HIP1: variants seen among roughly 807,000 people sequenced by gnomAD.
HIP1 encodes the protein huntingtin-interacting protein 1.
A neutral mutation model predicts 147.6 loss-of-function variants in HIP1; 65 were observed. The ratio of observed to expected loss-of-function variants is 0.44; its 90% CI spans 0.36 to 0.54. HIP1 has a LOEUF of 0.54. HIP1 is among the 20% of genes least tolerant of loss of function. The pLI is 0.00. For synonymous variants in HIP1, 479 were observed against 504.0 expected, an observed-to-expected ratio of 0.95 and a Z score of 0.67; for missense variants, 1,061 against 1,299.6, an observed-to-expected ratio of 0.82 and a Z score of 2.82.
chr7:75,613,318 A>T (rs868933351), intron 1 of HIP1, among the ~76,000 whole-genome samples: 18 of 152,176 alleles, frequency 1.2e-4, no homozygotes, highest in South Asian at 4.2e-4. Flanking sequence ...GAGCGTCCCC[A>T]CCGTGGGGAG....
chr7:75,735,743 T>C (rs1802001394), intron 1 of HIP1, among the ~76,000 whole-genome samples: 1 of 151,704 alleles, frequency 6.6e-6, no homozygotes, highest in African/African-American at 2.4e-5. Context: ...CAGGCCGGAA[T>C]GCAGTGGCAC....
chr7:75,686,620 A>G (rs1554517614), intron 1 of HIP1, among the ~76,000 whole-genome samples: 1 of 151,976 alleles, frequency 6.6e-6, no homozygotes, highest in South Asian at 2.1e-4. Flanking sequence ...TTTCTTATCA[A>G]CTGATGACCA....
chr7:75,685,363 C>G (rs1172478267), intron 1 of HIP1, among the ~76,000 whole-genome samples: 1 of 152,170 alleles, frequency 6.6e-6, no homozygotes, highest in Non-Finnish European at 1.5e-5. Flanking sequence ...CATCTACTCA[C>G]CAACACTTGT....
chr7:75,602,771 C>A (rs1000970312), intron 1 of HIP1, among the ~76,000 whole-genome samples: 10 of 150,858 alleles, frequency 6.6e-5, no homozygotes, highest in Non-Finnish European at 1.2e-4. Flanking sequence ...ATTGTATACC[C>A]CCGCCCCACA....
chr7:75,603,831 C>G (rs1554503419), intron 1 of HIP1, among the ~76,000 whole-genome samples: 1 of 151,592 alleles, frequency 6.6e-6, no homozygotes, highest in Admixed American at 6.6e-5. Context: ...CGTGATCGCC[C>G]CCACTGCATT....
At chr7:75,668,569 C>T (rs552267670) in intron 1 of HIP1, among the ~76,000 whole-genome samples, 1 of 152,054 alleles carries the variant, frequency 6.6e-6, no homozygotes, top group Non-Finnish European at 1.5e-5. Flanking sequence ...AGGTGATCCA[C>T]CCACCTTGGC....
intron 1 of HIP1, among the ~76,000 whole-genome samples, chr7:75,613,830 A>G (rs925581488): frequency 7.9e-5 from 12 of 152,098 alleles, no homozygotes; most frequent in African/African-American, 2.9e-4. Context: ...GATTCGAGCA[A>G]TCTCCCATCT....
In HIP1 at chr7:75,568,082, T is replaced by C; in HGVS notation, c.803+117A>G. 2.6e-6 allele frequency: 2 copies of C among 757,440 alleles called. No individual in the cohort carries two copies. Among genetic ancestry groups the C allele is most frequent in the South Asian group, 2.9e-5 (2 of 68,166 alleles). The allele number at this position is 757,440 out of a possible 1,614,324, so 46.9% of individuals were successfully genotyped here. On this transcript the variant is annotated intron_variant, in intron 9 of 30. Coordinates refer to ENST00000336926, the MANE Select transcript of HIP1 (RefSeq NM_005338.7). This position sits in a 1 kb window ranked among gnomAD's most constrained non-coding sequence, Gnocchi z 4.1. ...CCTCCCGCCTCAGCCTCCCAAAGAG[T>C]TGGGGTTACAGGCATGAACCACTGT...
At chr7:75,593,421 A>C (rs587698531) in intron 2 of HIP1, among the ~76,000 whole-genome samples, 1 of 152,160 alleles carries the variant, frequency 6.6e-6, no homozygotes, top group Admixed American at 6.6e-5. Flanking sequence ...ACCTGAGCTC[A>C]GGAGTTTAAG....
At chr7:75,662,440 A>C (rs1322007782) in intron 1 of HIP1, among the ~76,000 whole-genome samples, 1 of 152,208 alleles carries the variant, frequency 6.6e-6, no homozygotes, top group Non-Finnish European at 1.5e-5. Flanking sequence ...GGACTCCCCC[A>C]GTGCTCAGAC....
At chr7:75,583,659 C>T (rs587685819) in intron 5 of HIP1, among the ~76,000 whole-genome samples, 156 of 150,994 alleles carry the variant, frequency 1.0e-3, no homozygotes, top group African/African-American at 3.6e-3. Context: ...GCATGATCAT[C>T]ACTCACTGCA....
intron 17 of HIP1, among the ~76,000 whole-genome samples, 198 bp downstream of exon 17, chr7:75,556,512 T>A (rs1426805404): frequency 6.6e-6 from 1 of 151,998 alleles, no homozygotes; most frequent in East Asian, 1.9e-4. Flanking sequence ...TGAAACCCCG[T>A]CTCTACCAAA....
At chr7:75,662,444 C>G (rs897629147) in intron 1 of HIP1, among the ~76,000 whole-genome samples, 14 of 152,168 alleles carry the variant, frequency 9.2e-5, no homozygotes, top group African/African-American at 2.9e-4. Flanking sequence ...TCCCCCAGTG[C>G]TCAGACTACA....
intron 1 of HIP1, among the ~76,000 whole-genome samples, chr7:75,683,645 C>T (rs559419813): frequency 1.2e-4 from 18 of 152,286 alleles, no homozygotes; most frequent in Middle Eastern, 3.4e-3. Context: ...CCCATAGCAC[C>T]ACGTCCTCCA....
At chr7:75,636,571 C>T (rs1452764333) in intron 1 of HIP1, among the ~76,000 whole-genome samples, 1 of 152,180 alleles carries the variant, frequency 6.6e-6, no homozygotes, top group Non-Finnish European at 1.5e-5. Flanking sequence ...CTTTTGGCCT[C>T]TTGCAGGAAT....
chr7:75,553,409 C>A, intron 22 of HIP1, 44 bp downstream of exon 22: 2 of 1,602,582 alleles, frequency 1.2e-6, no homozygotes, highest in Non-Finnish European at 1.7e-6. Flanking sequence ...AGCACGCACA[C>A]CCAGAAGAAT....
intron 1 of HIP1, among the ~76,000 whole-genome samples, chr7:75,676,584 C>T (rs1799897216): frequency 6.6e-6 from 1 of 151,900 alleles, no homozygotes. Context: ...CGAGACCAGC[C>T]TGGCCAACAT....
intron 1 of HIP1, among the ~76,000 whole-genome samples, chr7:75,716,187 TC>T: frequency 6.6e-6 from 1 of 152,000 alleles, no homozygotes. Context: ...TATGGAAAGT[TC>T]CAGACAAAAA....
chr7:75,638,449 G>T (rs576818263), intron 1 of HIP1, among the ~76,000 whole-genome samples: 12 of 152,118 alleles, frequency 7.9e-5, no homozygotes, highest in Non-Finnish European at 1.2e-4. Context: ...ATTTCTAAAG[G>T]AAAGGCGGAG....
Sources: allele counts gnomAD v4.1 joint callset (sites outside exome capture counted in the v4.1 genomes callset), GRCh38; gene constraint gnomAD v4.1.1; non-coding constraint Gnocchi (gnomAD v3.1); transcripts MANE v1.5; gene names NCBI Gene and HGNC (gene_info 2026-07-23, HGNC 2026-07-21).